GNA14: variants seen among roughly 807,000 people sequenced by gnomAD.
The protein encoded by GNA14 is G protein subunit alpha 14, also known as guanine nucleotide-binding protein subunit alpha-14.
A neutral mutation model predicts 42.0 loss-of-function variants in GNA14; 50 were observed. The observed-to-expected ratio is 1.19, with a 90% CI of 0.95 to 1.51. GNA14 has a LOEUF of 1.51. GNA14 is among the 40% of genes most tolerant of loss of function. The pLI is 0.00. For missense variants in GNA14, 473 were observed against 446.2 expected (o/e 1.06, Z -0.54); for synonymous variants, 173 against 163.1 (o/e 1.06, Z -0.46).
chr9:77,529,075 C>T lies in GNA14; in HGVS notation c.303G>A (p.Gln101=). 6.2e-7 allele frequency: 1 copy of T among 1,614,014 alleles called. No individual in the cohort carries two copies. The highest frequency in any genetic ancestry group is 1.1e-5 in the South Asian group (1 of 91,082). The change falls in exon 2 of 7, where the codon CAG becomes CAA. Residue 101 remains glutamine (Q), a synonymous_variant. Coordinates refer to ENST00000341700, the MANE Select transcript of GNA14 (RefSeq NM_004297.4). ...DTLRIQYVCE[Q]NKENAQIIRE... is the part of the protein sequence containing the mutation. The stretch of plus-strand genomic sequence containing the variant: ...CACTCCCTAAGCACGTTACCTTATT[C>T]TGTTCACACACATACTGTATCCTTA...
intron 5 of GNA14, among the ~76,000 whole-genome samples, chr9:77,428,120 C>T (rs1193861693): frequency 6.8e-6 from 1 of 146,570 alleles, no homozygotes; most frequent in Non-Finnish European, 1.5e-5. Flanking sequence ...GCTCTGTTGC[C>T]CAGGCTGGAG....
intron 2 of GNA14, among the ~76,000 whole-genome samples, chr9:77,468,596 C>A (rs895956324): frequency 5.9e-5 from 9 of 152,128 alleles, no homozygotes; most frequent in African/African-American, 2.2e-4. Context: ...TATTATCTTC[C>A]CCTGTGCTTC....
At chr9:77,479,554 T>G (rs942811245) in intron 2 of GNA14, among the ~76,000 whole-genome samples, 4 of 151,482 alleles carry the variant, frequency 2.6e-5, no homozygotes, top group Non-Finnish European at 5.9e-5. Context: ...ATCCAATTCT[T>G]TGAAGAAAGT....
intron 2 of GNA14, among the ~76,000 whole-genome samples, chr9:77,500,000 G>C (rs944491366): frequency 6.6e-6 from 1 of 151,840 alleles, no homozygotes. Context: ...TTGGGATCTT[G>C]GTGCAAATTT....
intron 1 of GNA14, among the ~76,000 whole-genome samples, chr9:77,562,423 G>A (rs1822898892): frequency 6.6e-6 from 1 of 151,990 alleles, no homozygotes; most frequent in Non-Finnish European, 1.5e-5. Context: ...GGCAGGAAAG[G>A]GACATGAAGG....
intron 1 of GNA14, among the ~76,000 whole-genome samples, chr9:77,562,327 C>T (rs573772149): frequency 5.2e-4 from 79 of 151,890 alleles, no homozygotes; most frequent in Non-Finnish European, 7.9e-4. Flanking sequence ...GAACAGCTAA[C>T]GTAGATGAGG....
intron 1 of GNA14, among the ~76,000 whole-genome samples, chr9:77,618,409 T>C (rs1456142008): frequency 1.3e-5 from 2 of 151,338 alleles, no homozygotes; most frequent in African/African-American, 2.4e-5. Context: ...TGATGATCCA[T>C]TGCTATGGTC....
At chr9:77,562,252 C>T (rs995799516) in intron 1 of GNA14, among the ~76,000 whole-genome samples, 5 of 152,130 alleles carry the variant, frequency 3.3e-5, no homozygotes, top group African/African-American at 1.2e-4. Context: ...TTGAGCAGAA[C>T]AGCTCAGTGC....
chr9:77,458,008 G>T (rs998022701), intron 2 of GNA14, among the ~76,000 whole-genome samples: 59 of 152,148 alleles, frequency 3.9e-4, no homozygotes, highest in African/African-American at 1.4e-3. Flanking sequence ...CTTTTGAAAC[G>T]GTGGTTTTAA....
intron 1 of GNA14, among the ~76,000 whole-genome samples, chr9:77,597,160 G>T (rs965698186): frequency 6.6e-6 from 1 of 152,152 alleles, no homozygotes; most frequent in Non-Finnish European, 1.5e-5. Context: ...TTCAAGTCTT[G>T]AATGTCAAGC....
chr9:77,570,829 G>A (rs1353289202), intron 1 of GNA14, among the ~76,000 whole-genome samples: 2 of 151,608 alleles, frequency 1.3e-5, no homozygotes, highest in Non-Finnish European at 2.9e-5. Context: ...TTCTAAAGTC[G>A]ATGTATCATT....
At chr9:77,646,827 TG>T (rs1319670666) in intron 1 of GNA14, among the ~76,000 whole-genome samples, 1 of 152,216 alleles carries the variant, frequency 6.6e-6, no homozygotes, top group East Asian at 1.9e-4. Flanking sequence ...TGGCATAACT[TG>T]GGCAAACCTT....
rs956489720 is a variant in GNA14 at position 77,566,145 on chromosome 9, CTT to C, written c.125-36894_125-36893del. Among the ~76,000 whole-genome samples the C allele has an allele frequency of 2.8e-3, 286 of 102,486 alleles. 3 individuals are homozygous for C. The highest frequency in any genetic ancestry group is 9.7e-3 in the African/African-American group (244 of 25,214). The allele number at this position is 102,486 out of a possible 152,430, so 67.2% of individuals were successfully genotyped here. On this transcript the variant is annotated intron_variant, in intron 1 of 6. Coordinates refer to ENST00000341700, the MANE Select transcript of GNA14 (RefSeq NM_004297.4). ...TCCTTGTCCACAAGTGGGAGTGCTT[CTT>C]TTTTTTTTTTTTTTTTTTTTTTTCT...
intron 2 of GNA14, among the ~76,000 whole-genome samples, chr9:77,488,237 A>T (rs1187036552): frequency 6.6e-6 from 1 of 152,144 alleles, no homozygotes; most frequent in Non-Finnish European, 1.5e-5. Flanking sequence ...CATATCCTTG[A>T]TTCTGCTGTC....
intron 1 of GNA14, among the ~76,000 whole-genome samples, chr9:77,641,101 GAAGGAAGGA>G (rs1564073598): frequency 8.0e-4 from 1 of 1,252 alleles, no homozygotes; most frequent in Non-Finnish European, 2.5e-3. Context: ...GGAGGGGGGG[GAAGGAAGGA>G]AGGAAGGAAG....
At chr9:77,610,331 G>A (rs189966750) in intron 1 of GNA14, among the ~76,000 whole-genome samples, 1 of 152,258 alleles carries the variant, frequency 6.6e-6, no homozygotes, top group Non-Finnish European at 1.5e-5. Context: ...TAACAAATAT[G>A]TTTGCCTTTT....
intron 2 of GNA14, among the ~76,000 whole-genome samples, chr9:77,520,471 A>G (rs1466038450): frequency 6.6e-6 from 1 of 152,222 alleles, no homozygotes; most frequent in Non-Finnish European, 1.5e-5. Flanking sequence ...CATCACTGAT[A>G]ATGATTCTAA....
chr9:77,497,738 T>TATATACATATGTATATACATATGC (rs1191298648), intron 2 of GNA14, among the ~76,000 whole-genome samples: 6 of 152,166 alleles, frequency 3.9e-5, no homozygotes, highest in African/African-American at 1.4e-4. Flanking sequence ...TATACATATT[T>TATATACATATGTATATACATATGC]ATATACATAT....
Position 77,464,143 on chromosome 9 carries a change from G to A in GNA14, c.310-29621C>T, listed in dbSNP as rs1836168850. ...AGCCTCCAGAACAGCTGGGACTATA[G>A]GTCCTTGCCACCAAGTCCGGCTAAT... is the stretch of plus-strand genomic sequence containing the variant. On this transcript the variant is annotated intron_variant, in intron 2 of 6. Coordinates refer to ENST00000341700, the MANE Select transcript of GNA14 (RefSeq NM_004297.4). Among the ~76,000 whole-genome samples the A allele has an allele frequency of 2.0e-5, 3 of 152,116 alleles. 1 individual carries two copies. The highest frequency in any genetic ancestry group is 4.2e-4 in the South Asian group (2 of 4,808).
Sources: allele counts gnomAD v4.1 joint callset (sites outside exome capture counted in the v4.1 genomes callset), GRCh38; gene constraint gnomAD v4.1.1; transcripts MANE v1.5; gene names NCBI Gene and HGNC (gene_info 2026-07-23, HGNC 2026-07-21).